SNX29: variants seen among roughly 807,000 people sequenced by gnomAD.
SNX29 encodes sorting nexin 29.
Under a neutral mutation model 102.1 loss-of-function variants are expected in SNX29, and 78 were observed. That is an observed-to-expected ratio of 0.76 (90% CI 0.64 to 0.92). SNX29 has a LOEUF of 0.92. SNX29 is among the 40% of genes least tolerant of loss of function. The pLI is 0.00. For synonymous variants in SNX29, 580 were observed against 414.5 expected (o/e 1.40, Z -4.85); for missense variants, 1,280 against 1,061.7 (o/e 1.21, Z -2.86).
chr16:12,242,043 T>C (rs1442067662), intron 14 of SNX29, among the ~76,000 whole-genome samples: 1 of 152,234 alleles, frequency 6.6e-6, no homozygotes, highest in East Asian at 1.9e-4. Context: ...CCAAGTCACA[T>C]GCCACTCCTG....
chr16:12,362,249 G>A (rs1403172614), intron 16 of SNX29, among the ~76,000 whole-genome samples: 3 of 152,160 alleles, frequency 2.0e-5, no homozygotes, highest in African/African-American at 7.2e-5. Flanking sequence ...TAGCATCCTG[G>A]GTGGAAATCC....
intron 20 of SNX29, among the ~76,000 whole-genome samples, chr16:12,560,369 G>A (rs2078654249): frequency 6.6e-6 from 1 of 152,170 alleles, no homozygotes; most frequent in South Asian, 2.1e-4. Context: ...GTGACAGGTT[G>A]TGCGCTCAGT....
intron 1 of SNX29, among the ~76,000 whole-genome samples, chr16:11,990,803 T>G (rs1200811976): frequency 2.0e-5 from 3 of 152,206 alleles, no homozygotes; most frequent in African/African-American, 7.2e-5. Flanking sequence ...TGGGGAACTC[T>G]CACGTTTAAC....
At chr16:12,366,139 C>T (rs920483251) in intron 16 of SNX29, among the ~76,000 whole-genome samples, 6 of 148,548 alleles carry the variant, frequency 4.0e-5, no homozygotes, top group Non-Finnish European at 8.9e-5. Context: ...ACCTGGGGTT[C>T]TGTGATGCAG....
chr16:12,177,145 C>T (rs1404575385), intron 13 of SNX29, among the ~76,000 whole-genome samples: 1 of 152,036 alleles, frequency 6.6e-6, no homozygotes, highest in Admixed American at 6.6e-5. Flanking sequence ...ACATGGTCTC[C>T]TTGTGTTTTC....
At chr16:12,443,530 A>G (rs1208764281) in intron 18 of SNX29, among the ~76,000 whole-genome samples, 1 of 152,082 alleles carries the variant, frequency 6.6e-6, no homozygotes. Flanking sequence ...TTGGTTCACT[A>G]CAATCTCTGC....
At chr16:12,277,818 T>A in intron 14 of SNX29, 115 bp from the exon 15 acceptor site, 1 of 793,020 alleles carries the variant, frequency 1.3e-6, no homozygotes, top group South Asian at 1.6e-5. Context: ...GTGTTTTTCT[T>A]GAGAGCTTTT....
intron 13 of SNX29, among the ~76,000 whole-genome samples, chr16:12,186,543 G>T (rs1222531526): frequency 6.6e-6 from 1 of 152,182 alleles, no homozygotes; most frequent in Non-Finnish European, 1.5e-5. Context: ...GCAGTATTAT[G>T]ACGTGATATT....
chr16:12,374,793 G>T (rs966845491), intron 16 of SNX29: 1 of 152,186 alleles, frequency 6.6e-6, no homozygotes, highest in Non-Finnish European at 1.5e-5. Flanking sequence ...TGGGACCTGG[G>T]CACCTCTCAC....
At chr16:12,414,713 A>T (rs1331429466) in intron 18 of SNX29, among the ~76,000 whole-genome samples, 1 of 149,556 alleles carries the variant, frequency 6.7e-6, no homozygotes, top group Non-Finnish European at 1.5e-5. Context: ...TTGTTTGTTT[A>T]TTTGTTGGTA....
intron 14 of SNX29, among the ~76,000 whole-genome samples, chr16:12,261,120 G>A (rs1330157245): frequency 3.4e-5 from 5 of 146,696 alleles, no homozygotes; most frequent in African/African-American, 7.6e-5. Flanking sequence ...ATGAGTCCCC[G>A]GCTGGAGTGA....
At chr16:12,436,400 A>G (rs2085540555) in intron 18 of SNX29, among the ~76,000 whole-genome samples, 1 of 152,216 alleles carries the variant, frequency 6.6e-6, no homozygotes, top group African/African-American at 2.4e-5. Context: ...GATGCGTGAC[A>G]TTTCCGTGTG....
At chr16:12,185,910 C>A (rs541905890) in intron 13 of SNX29, among the ~76,000 whole-genome samples, 4 of 152,166 alleles carry the variant, frequency 2.6e-5, no homozygotes, top group African/African-American at 7.2e-5. Flanking sequence ...CCTCCTTGTT[C>A]CCAAATGTCA....
intron 8 of SNX29, among the ~76,000 whole-genome samples, chr16:12,058,510 T>TTTG (rs1596724746): frequency 6.8e-6 from 1 of 146,256 alleles, no homozygotes. Context: ...TTTTTTTTTT[T>TTTG]TGAGATGGAG....
intron 18 of SNX29, among the ~76,000 whole-genome samples, chr16:12,464,305 C>T (rs1278778324): frequency 6.6e-6 from 1 of 151,732 alleles, no homozygotes; most frequent in Non-Finnish European, 1.5e-5. Flanking sequence ...ATAGACACAC[C>T]ACATTTTCTT....
At chr16:12,394,959 G>C (rs985097797) in intron 16 of SNX29, among the ~76,000 whole-genome samples, 1 of 152,106 alleles carries the variant, frequency 6.6e-6, no homozygotes, top group African/African-American at 2.4e-5. Context: ...CTAGAAGTGA[G>C]GGTAGCTCCA....
intron 10 of SNX29, among the ~76,000 whole-genome samples, chr16:12,073,575 G>C (rs1175301652): frequency 6.6e-6 from 1 of 152,132 alleles, no homozygotes; most frequent in Non-Finnish European, 1.5e-5. Context: ...GCTGAGGAGA[G>C]CTTTACTTCC....
chr16:12,113,714 C>T (rs753861657), intron 11 of SNX29, among the ~76,000 whole-genome samples: 3 of 152,226 alleles, frequency 2.0e-5, no homozygotes, highest in Admixed American at 6.5e-5. Flanking sequence ...ATGTTGGCCT[C>T]GCAGCCCCAG....
At chr16:12,277,678 G>T (rs151163381) in intron 14 of SNX29, among the ~76,000 whole-genome samples, 1 of 152,048 alleles carries the variant, frequency 6.6e-6, no homozygotes, top group African/African-American at 2.4e-5. Flanking sequence ...GGGCTCAAGC[G>T]ATCCTCTCAA....
Sources: allele counts gnomAD v4.1 joint callset (sites outside exome capture counted in the v4.1 genomes callset), GRCh38; gene constraint gnomAD v4.1.1; transcripts MANE v1.5; gene names NCBI Gene and HGNC (gene_info 2026-07-23, HGNC 2026-07-21).